PTDSS1: variants seen among roughly 807,000 people sequenced by gnomAD.
The protein encoded by PTDSS1 is PSS-1.
A neutral mutation model predicts 70.5 loss-of-function variants in PTDSS1; 45 were observed. The ratio of observed to expected loss-of-function variants is 0.64; its 90% confidence interval spans 0.50 to 0.82. The LOEUF (loss-of-function observed/expected upper bound fraction) is 0.82, where lower values mean the gene tolerates loss of function less well. Among genes scored for constraint, PTDSS1 ranks in the 40% least tolerant of loss-of-function variants. PTDSS1 has a pLI of 0.00. For missense variants in PTDSS1, 417 were observed against 586.1 expected, an observed-to-expected ratio of 0.71 and a Z score of 2.98; for synonymous variants, 188 against 203.8, an observed-to-expected ratio of 0.92 and a Z score of 0.66.
intron 1 of PTDSS1, among the ~76,000 whole-genome samples, chr8:96,263,116 C>T (rs766604969): frequency 6.6e-6 from 1 of 152,194 alleles, no homozygotes; most frequent in Non-Finnish European, 1.5e-5. Flanking sequence ...TAACACAACT[C>T]TCTTATTCCC....
At chr8:96,264,679 T>C (rs533392114) in intron 1 of PTDSS1, among the ~76,000 whole-genome samples, 11 of 152,206 alleles carry the variant, frequency 7.2e-5, no homozygotes, top group Non-Finnish European at 1.6e-4. Flanking sequence ...CCTTTCAAAA[T>C]AGGTTTCTCT....
chr8:96,313,559 C>T (rs752667207), intron 9 of PTDSS1, among the ~76,000 whole-genome samples: 2 of 152,194 alleles, frequency 1.3e-5, no homozygotes, highest in Non-Finnish European at 2.9e-5. Flanking sequence ...TCGCCTGGTC[C>T]TGGGAGGAAG....
At chr8:96,277,268 T>C (rs1405536317) in intron 2 of PTDSS1, among the ~76,000 whole-genome samples, 1 of 152,220 alleles carries the variant, frequency 6.6e-6, no homozygotes, top group Non-Finnish European at 1.5e-5. Context: ...CATGAAAGAA[T>C]GTTATTGAAT....
intron 4 of PTDSS1, among the ~76,000 whole-genome samples, chr8:96,288,119 C>T (rs73271858): frequency 0.089 from 13,540 of 151,996 alleles, 1,937 homozygotes; most frequent in African/African-American, 0.3. Flanking sequence ...TTAAGTTTGC[C>T]GGCTTATTGT....
intron 12 of PTDSS1, 30 bp from the exon 13 acceptor site, chr8:96,333,427 G>T: frequency 6.3e-7 from 1 of 1,577,588 alleles, no homozygotes; most frequent in Admixed American, 1.7e-5. Context: ...AGAGCCCAGG[G>T]TGACGGTGTG....
At chr8:96,283,870 T>C in intron 2 of PTDSS1, 1 of 450,734 alleles carries the variant, frequency 2.2e-6, no homozygotes, top group Non-Finnish European at 3.9e-6. Context: ...CAAAGCTTTA[T>C]AAAAAATCTC....
intron 2 of PTDSS1, among the ~76,000 whole-genome samples, chr8:96,279,758 G>A (rs1285084821): frequency 2.6e-5 from 4 of 152,068 alleles, no homozygotes; most frequent in Non-Finnish European, 4.4e-5. Context: ...GGCGGAGGTT[G>A]TAGTGAGCCG....
intron 8 of PTDSS1, chr8:96,309,329 C>A: frequency 2.9e-6 from 1 of 349,074 alleles, no homozygotes; most frequent in Non-Finnish European, 5.3e-6. Context: ...AGACAAGAAT[C>A]TGGCTCTTTA....
chr8:96,315,481 C>T (rs953009102), intron 9 of PTDSS1, among the ~76,000 whole-genome samples: 2 of 152,200 alleles, frequency 1.3e-5, no homozygotes, highest in South Asian at 2.1e-4. Context: ...CTCACACACA[C>T]GAGCCTAGAG....
chr8:96,332,614 C>A (rs1586214203), intron 12 of PTDSS1, among the ~76,000 whole-genome samples: 1 of 152,232 alleles, frequency 6.6e-6, no homozygotes, highest in African/African-American at 2.4e-5. Flanking sequence ...TACAAACAAC[C>A]TTGGCACTTA....
chr8:96,305,351 T>C (rs1811107608), intron 7 of PTDSS1, among the ~76,000 whole-genome samples: 1 of 152,206 alleles, frequency 6.6e-6, no homozygotes. Flanking sequence ...ACAACATGCA[T>C]TTTGTGGAAT....
chr8:96,269,647 T>A (rs546791274), intron 1 of PTDSS1, among the ~76,000 whole-genome samples: 20 of 152,260 alleles, frequency 1.3e-4, no homozygotes, highest in Non-Finnish European at 2.9e-4. Flanking sequence ...TAGGAGACAA[T>A]TACAATCCCA....
intron 9 of PTDSS1, 70 bp downstream of exon 9, chr8:96,309,692 C>T (rs1210453505): frequency 6.7e-7 from 1 of 1,493,118 alleles, no homozygotes; most frequent in East Asian, 2.3e-5. Flanking sequence ...ATTTCTTGAC[C>T]CTGTGTTAAG....
At chr8:96,269,060 G>T (rs1194022565) in intron 1 of PTDSS1, among the ~76,000 whole-genome samples, 1 of 152,158 alleles carries the variant, frequency 6.6e-6, no homozygotes, top group Non-Finnish European at 1.5e-5. Flanking sequence ...CTGTACATTT[G>T]GTATTTTCAC....
intron 9 of PTDSS1, among the ~76,000 whole-genome samples, chr8:96,318,912 T>TTTTC (rs1811334231): frequency 7.4e-6 from 1 of 134,264 alleles, no homozygotes; most frequent in East Asian, 2.2e-4. Flanking sequence ...CTTTTTTTTT[T>TTTTC]TTTTTTTTTT....
At chr8:96,286,300 A>G (rs977250642) in intron 3 of PTDSS1, among the ~76,000 whole-genome samples, 2 of 152,240 alleles carry the variant, frequency 1.3e-5, no homozygotes, top group Non-Finnish European at 2.9e-5. Flanking sequence ...CGTATTGGAC[A>G]GGGTTTTGCC....
chr8:96,286,080 G>A (rs1308365908), intron 3 of PTDSS1, among the ~76,000 whole-genome samples: 1 of 152,184 alleles, frequency 6.6e-6, no homozygotes, highest in Non-Finnish European at 1.5e-5. Context: ...TATAGCGCTT[G>A]CAGTGGATTT....
At chr8:96,305,131 G>T (rs542436579) in intron 7 of PTDSS1, among the ~76,000 whole-genome samples, 62 of 152,312 alleles carry the variant, frequency 4.1e-4, no homozygotes, top group Admixed American at 1.4e-3. Flanking sequence ...CAATGTCACG[G>T]AAAGCAGAAG....
At chr8:96,265,075 G>A (rs114099945) in intron 1 of PTDSS1, among the ~76,000 whole-genome samples, 115 of 152,228 alleles carry the variant, frequency 7.6e-4, no homozygotes, top group African/African-American at 2.4e-3. Flanking sequence ...CCATAAAGAC[G>A]GAAAGTAACG....
Sources: gnomAD v4.1 joint callset for allele counts (sites outside exome capture counted in the v4.1 genomes callset) on GRCh38, gnomAD v4.1.1 for gene constraint, MANE v1.5 for transcripts, NCBI Gene and HGNC (gene_info 2026-07-23, HGNC 2026-07-21) for gene names.